PRMT1: variants seen among roughly 807,000 people sequenced by gnomAD.
The protein encoded by PRMT1 is protein arginine methyltransferase 1.
In PRMT1, 5 loss-of-function variants were observed where a neutral mutation model predicts 47.4. The ratio of observed to expected loss-of-function variants is 0.11; its 90% confidence interval spans 0.06 to 0.22. The LOEUF (loss-of-function observed/expected upper bound fraction) is 0.22. PRMT1 is among the 10% of genes least tolerant of loss of function. The pLI, the probability that PRMT1 is intolerant of heterozygous loss-of-function variation, is 1.00. For synonymous variants in PRMT1, 227 were observed against 204.6 expected (o/e 1.11, Z -0.94); for missense variants, 249 against 518.4 (o/e 0.48, Z 5.05).
chr19:49,679,861 C>T lies in PRMT1; in HGVS notation c.37-11C>T, dbSNP rs1008417013. 1 of 1,609,814 alleles carries T rather than the reference C, an allele frequency of 6.2e-7. No individual in the cohort carries two copies. The highest frequency in any genetic ancestry group is 8.5e-7 in the Non-Finnish European group (1 of 1,176,720). ...AGTAGCTAATCCTTTTTCCCTGTTA[C>T]TCTCTCCTAGAATTTTGTAGCCACC... is the stretch of plus-strand genomic sequence containing the variant. On this transcript the variant is annotated splice_polypyrimidine_tract_variant and intron_variant, in intron 1 of 10. Transcript: ENST00000454376.
At chr19:49,682,316 C>G (rs747331957) in intron 5 of PRMT1, 57 bp downstream of exon 5, 26 of 1,559,806 alleles carry the variant, frequency 1.7e-5, no homozygotes, top group African/African-American at 2.7e-5. Context: ...CCCTGCTTCC[C>G]CAGGGCCCTC....
In PRMT1 at chr19:49,686,723, C is replaced by T; in HGVS notation, c.1029C>T (p.Asn343=). The change falls in exon 10 of 11, where the codon AAC becomes AAT. Residue 343 remains asparagine, a synonymous_variant. Coordinates refer to ENST00000454376, the MANE Select transcript of PRMT1 (RefSeq NM_001536.6). The part of the protein sequence containing the change: ...GTIGMRPNAK[N]NRDLDFTIDL... Reference sequence around the variant, plus strand: ...TCGGCATGCGGCCCAACGCCAAGAACAACGTGAGGCTCCGGGCAGCTGGGT... The same window carrying T: ...TCGGCATGCGGCCCAACGCCAAGAATAACGTGAGGCTCCGGGCAGCTGGGT... 1 of 1,605,732 alleles carries T rather than the reference C, an allele frequency of 6.2e-7. No individual in the cohort carries two copies. The highest frequency in any genetic ancestry group is 8.5e-7 in the Non-Finnish European group (1 of 1,175,818).
At position 49,685,415 on chromosome 19, in the gene PRMT1, C is replaced by G. The variant is rs1163548433; in HGVS notation, c.759+378C>G. ...AGATGTGCCTGAGGTCCCAGCTACT[C>G]GGGAGGATCACTTGGGCCTGGGAGT... On this transcript the variant is annotated intron_variant, in intron 8 of 10. Transcript: ENST00000454376. The surrounding 1 kb of genome is among the most constrained non-coding windows in gnomAD (Gnocchi z 4.7). 2.5e-6 allele frequency: 3 copies of G among 1,195,972 alleles called. No individual in the cohort carries two copies. In the South Asian group the frequency reaches 5.2e-5, roughly 21 times the overall value. 74.1% of individuals were successfully genotyped at this position (1,195,972 alleles called of 1,614,324 possible). A position where few individuals can be genotyped will look rare whatever the true frequency, so the allele number is the denominator to read the frequency against.
Position 49,688,045 on chromosome 19 carries a change from A to C in PRMT1, c.1033-117A>C. 1 of 926,662 alleles carries C rather than the reference A, an allele frequency of 1.1e-6. No individual in the cohort carries two copies. The allele number at this position is 926,662 out of a possible 1,614,324, so 57.4% of individuals were successfully genotyped here. A position where few individuals can be genotyped will look rare whatever the true frequency, so the allele number is the denominator to read the frequency against. Reference sequence around the variant, plus strand: ...GGTGGGACCAGCAGTTGGGGTCTGCAGCGTGGAGATGGGCAGGAAGCTGGA... The same window carrying C: ...GGTGGGACCAGCAGTTGGGGTCTGCCGCGTGGAGATGGGCAGGAAGCTGGA... On this transcript the variant is annotated intron_variant, in intron 10 of 10. Transcript: ENST00000454376. This position sits in a 1 kb window ranked among gnomAD's most constrained non-coding sequence, Gnocchi z 5.3.
In PRMT1 at chr19:49,683,858, C is replaced by T. The variant is rs558403335; in HGVS notation, c.413-69C>T. ...CTGAAGTGGGGTCCCCAGGCTCTAG[C>T]CCCCGGGGGAGGTGAGGTGAGGGGC... On this transcript the variant is annotated intron_variant, in intron 5 of 10. Coordinates refer to ENST00000454376, the MANE Select transcript of PRMT1 (RefSeq NM_001536.6). 26 of 1,548,620 alleles carry T rather than the reference C, an allele frequency of 1.7e-5. 1 individual carries two copies. The African/African-American group carries it at 1.8e-4, about 11-fold the overall frequency.
rs1467432259 is a variant in PRMT1, at chr19:49,684,314, C to T, written c.555+245C>T. On this transcript the variant is annotated intron_variant, in intron 6 of 10. Transcript: ENST00000454376. The surrounding 1 kb of genome is among the most constrained non-coding windows in gnomAD (Gnocchi z 6.2). The stretch of plus-strand genomic sequence containing the variant: ...CAGGTCCTTAGGCCCCAGCAGGCCT[C>T]CCCGGGAGAGGTGAGGTGACGGAGA... Among the ~76,000 whole-genome samples the T allele has an allele frequency of 2.6e-5, 4 of 151,982 alleles. No individual in the cohort carries two copies. Among genetic ancestry groups the T allele is most frequent in the African/African-American group, 7.2e-5 (3 of 41,382 alleles).
rs562528808 is a variant in PRMT1 at position 49,682,097 on chromosome 19, G to A, written c.348+32G>A. The A allele has an allele frequency of 8.9e-5, 143 of 1,613,848 alleles. 2 individuals are homozygous for A. The South Asian group carries it at 1.4e-3, about 16-fold the overall frequency. ...CTCCAGGGTGGCCAGGCGGGGCCGG[G>A]CCTGAGGGATGGAGGGGAGCCCATC... On this transcript the variant is annotated intron_variant, in intron 4 of 10. Transcript: ENST00000454376.
upstream of PRMT1, among the ~76,000 whole-genome samples, chr19:49,676,682 C>G (rs979316502): frequency 2.0e-5 from 3 of 152,200 alleles, no homozygotes; most frequent in Non-Finnish European, 4.4e-5. Context: ...AGACTCCCCC[C>G]GGGTTGGGAG....
chr19:49,678,580 C>T (rs977278356), intron 1 of PRMT1, among the ~76,000 whole-genome samples: 1 of 152,042 alleles, frequency 6.6e-6, no homozygotes, highest in Non-Finnish European at 1.5e-5. Context: ...GTGACGTGGC[C>T]CTTCTTGGAG....
rs929846304 is a variant in PRMT1 at position 49,680,703 on chromosome 19, C to G, written c.192+115C>G. ...GCTTCCCCTGGCCGCAGGCCGCCCC[C>G]CTGCCCCTCTGCTGCGCACTTCCTA... is the stretch of plus-strand genomic sequence containing the variant. On this transcript the variant is annotated intron_variant, in intron 3 of 10. Transcript: ENST00000454376. This position sits in a 1 kb window ranked among gnomAD's most constrained non-coding sequence, Gnocchi z 4.2. 7.6e-4 allele frequency: 644 copies of G among 851,298 alleles called. 1 individual carries two copies. The highest frequency in any genetic ancestry group is 3.9e-4 in the Non-Finnish European group (206 of 531,396). The allele number at this position is 851,298 out of a possible 1,614,324, so 52.7% of individuals were successfully genotyped here. A position where few individuals can be genotyped will look rare whatever the true frequency, so the allele number is the denominator to read the frequency against.
chr19:49,682,962 T>C (rs900303838), intron 5 of PRMT1, among the ~76,000 whole-genome samples: 2 of 151,894 alleles, frequency 1.3e-5, no homozygotes, highest in African/African-American at 2.4e-5. Flanking sequence ...ATTTTTTTGT[T>C]TTTTTAGTAG....
intron 10 of PRMT1, 45 bp downstream of exon 10, chr19:49,686,771 G>A (rs745981064): frequency 3.5e-6 from 5 of 1,442,362 alleles, no homozygotes; most frequent in Non-Finnish European, 4.6e-6. Flanking sequence ...GCTAGGGCGG[G>A]GAGTGTAGAT....
Position 49,684,941 on chromosome 19 carries a change from C to T in PRMT1, c.663C>T (p.Gly221=), listed in dbSNP as rs770250411. The T allele has an allele frequency of 6.2e-7, 1 of 1,600,454 alleles. No individual in the cohort carries two copies. The highest frequency in any genetic ancestry group is 8.5e-7 in the Non-Finnish European group (1 of 1,170,836). ...CCCCAGGGTGGGAGAACGTGTATGG[C>T]TTCGACATGTCTTGCATCAAAGATG... ...YKIHWWENVY[G]FDMSCIKDVA... The change falls in exon 8 of 11, where the codon GGC becomes GGT. Residue 221 remains glycine, a synonymous_variant. Transcript: ENST00000454376. This position sits in a 1 kb window ranked among gnomAD's most constrained non-coding sequence, Gnocchi z 6.2.
Position 49,680,167 on chromosome 19 carries a change from C to T in PRMT1, c.90+242C>T, listed in dbSNP as rs779492387. The T allele has an allele frequency of 6.4e-7, 1 of 1,566,138 alleles. No homozygotes were observed. Among genetic ancestry groups the T allele is most frequent in the East Asian group, 2.3e-5 (1 of 43,374 alleles). ...CCCTTTGCCCTTCCCTGTGTCTGCC[C>T]CCATTTTCCTTCCCCTCCCCTCCCC... On this transcript the variant is annotated intron_variant, in intron 2 of 10. Transcript: ENST00000454376. The surrounding 1 kb of genome is among the most constrained non-coding windows in gnomAD (Gnocchi z 4.2).
rs946274494 is a variant in PRMT1, at chr19:49,686,213, C to T, written c.880C>T (p.Arg294Cys). Residue 294 changes from arginine to cysteine, a missense_variant, in exon 9 of 11, where the codon CGC (arginine) becomes TGC (cysteine). Arg to Cys is a radical substitution (Grantham distance 180). This residue lies in a region of PRMT1 where 190 missense variants were observed against 456.7 expected (regional missense o/e 0.42). Transcript: ENST00000454376. ...GGCCTACTTCAACATCGAGTTCACA[C>T]GCTGCCACAAGAGGACCGGCTTCTC... ...LVAYFNIEFT[R>C]CHKRTGFSTS... 10 of 1,610,006 alleles carry T rather than the reference C, an allele frequency of 6.2e-6. No individual in the cohort carries two copies. Among genetic ancestry groups the T allele is most frequent in the African/African-American group, 2.7e-5 (2 of 74,756 alleles).
Position 49,686,135 on chromosome 19 carries a change from A to G in PRMT1, c.802A>G (p.Thr268Ala). Residue 268 changes from threonine to alanine, a missense_variant, in exon 9 of 11, where the codon ACC becomes GCC. Thr to Ala is a moderately conservative substitution (Grantham distance 58). Transcript: ENST00000454376. ...CGTCAAGGTGGAAGACCTGACCTTC[A>G]CCTCCCCGTTCTGCCTGCAAGTGAA... ...YTVKVEDLTF[T>A]SPFCLQVKRN... 1 of 1,613,754 alleles carries G rather than the reference A, an allele frequency of 6.2e-7. No homozygotes were observed. Among genetic ancestry groups the G allele is most frequent in the Non-Finnish European group, 8.5e-7 (1 of 1,179,908 alleles).
chr19:49,686,279 G>T (rs755285114), intron 9 of PRMT1, 36 bp downstream of exon 9: 1 of 1,555,606 alleles, frequency 6.4e-7, no homozygotes, highest in African/African-American at 1.4e-5. Flanking sequence ...GGCCGTTCCC[G>T]AGCCAGGGCG....
At chr19:49,679,750 C>T (rs554892251) in intron 1 of PRMT1, 122 bp from the exon 2 acceptor site, 1 of 741,060 alleles carries the variant, frequency 1.3e-6, no homozygotes, top group East Asian at 2.7e-5. Context: ...TTCGCCACCA[C>T]TCCCCACCAA....
chr19:49,685,321 C>G lies in PRMT1; in HGVS notation c.759+284C>G, dbSNP rs1318922637. On this transcript the variant is annotated intron_variant, in intron 8 of 10. Transcript: ENST00000454376. The surrounding 1 kb of genome is among the most constrained non-coding windows in gnomAD (Gnocchi z 4.7). ...AGCCCATGCACGGAAAGGCAGGACC[C>G]CAGGGCGATGAGCGGATGCACATGC... 7.4e-7 allele frequency: 1 copy of G among 1,353,956 alleles called. No homozygotes were observed. The highest frequency in any genetic ancestry group is 9.6e-7 in the Non-Finnish European group (1 of 1,046,648). The allele number at this position is 1,353,956 out of a possible 1,614,324, so 83.9% of individuals were successfully genotyped here.
Sources: allele counts gnomAD v4.1 joint callset (sites outside exome capture counted in the v4.1 genomes callset), GRCh38; gene constraint gnomAD v4.1.1; regional missense constraint gnomAD v4.1.1; non-coding constraint Gnocchi (gnomAD v3.1); transcripts MANE v1.5; gene names NCBI Gene and HGNC (gene_info 2026-07-23, HGNC 2026-07-21).